The following HHAT variants were observed in gnomAD, a reference collection of about 807,000 sequenced individuals.
The protein encoded by HHAT is protein-cysteine N-palmitoyltransferase HHAT.
Under a neutral mutation model 70.8 loss-of-function variants are expected in HHAT, and 47 were observed. The observed-to-expected ratio is 0.66, with a 90% CI of 0.53 to 0.85. The LOEUF is 0.85. HHAT is among the 40% of genes least tolerant of loss of function. The pLI is 0.00. For synonymous variants in HHAT, 228 were observed against 247.6 expected, an observed-to-expected ratio of 0.92 and a Z score of 0.74; for missense variants, 609 against 604.8, an observed-to-expected ratio of 1.01 and a Z score of -0.07.
chr1:210,419,482 G>A (rs143446531), intron 7 of HHAT, among the ~76,000 whole-genome samples: 2,212 of 152,164 alleles, frequency 0.015, 99 homozygotes, highest in Admixed American at 0.094. Context: ...GAGGACTCCC[G>A]CAGTGGCTGA....
intron 7 of HHAT, among the ~76,000 whole-genome samples, chr1:210,442,169 A>C (rs1234081543): frequency 6.9e-6 from 1 of 145,868 alleles, no homozygotes; most frequent in Non-Finnish European, 1.5e-5. Context: ...GTCCCTACAA[A>C]GGACATGAAC....
At chr1:210,513,289 C>A in intron 9 of HHAT, 101 bp downstream of exon 9, 1 of 652,686 alleles carries the variant, frequency 1.5e-6, no homozygotes. Flanking sequence ...AATAATGGCA[C>A]TTATATATAT....
chr1:210,352,104 T>A (rs1299742596), intron 2 of HHAT, among the ~76,000 whole-genome samples: 1 of 152,182 alleles, frequency 6.6e-6, no homozygotes, highest in Non-Finnish European at 1.5e-5. Context: ...TTTACAACTC[T>A]ACTTCTTGTG....
chr1:210,418,053 C>T, intron 6 of HHAT, 101 bp from the exon 7 acceptor site: 1 of 1,104,118 alleles, frequency 9.1e-7, no homozygotes, highest in Admixed American at 1.8e-5. Flanking sequence ...TGTCAGCTGG[C>T]ATAGCAATAA....
intron 9 of HHAT, among the ~76,000 whole-genome samples, chr1:210,528,342 G>A (rs2095274799): frequency 6.6e-6 from 1 of 152,172 alleles, no homozygotes; most frequent in Non-Finnish European, 1.5e-5. Context: ...AGAGAAAGAA[G>A]GTTCTTGTGT....
intron 10 of HHAT, among the ~76,000 whole-genome samples, chr1:210,617,597 C>T (rs991179622): frequency 6.6e-6 from 1 of 152,198 alleles, no homozygotes; most frequent in African/African-American, 2.4e-5. Flanking sequence ...TAGACAGAGC[C>T]AGTTGTTTCC....
intron 4 of HHAT, among the ~76,000 whole-genome samples, chr1:210,388,415 C>T (rs537111340): frequency 6.6e-6 from 1 of 152,264 alleles, no homozygotes; most frequent in South Asian, 2.1e-4. Flanking sequence ...ATAGGATGTC[C>T]TGTGGTTAGA....
At chr1:210,636,163 A>G (rs1480257511) in intron 11 of HHAT, among the ~76,000 whole-genome samples, 4 of 152,124 alleles carry the variant, frequency 2.6e-5, no homozygotes, top group South Asian at 2.1e-4. Flanking sequence ...GCTGCCCATT[A>G]TCTTGCTTAA....
intron 3 of HHAT, among the ~76,000 whole-genome samples, chr1:210,374,944 C>G (rs2090063845): frequency 6.6e-6 from 1 of 151,864 alleles, no homozygotes; most frequent in Non-Finnish European, 1.5e-5. Context: ...CTCCCTGCCA[C>G]CCCCCAGCAG....
intron 4 of HHAT, among the ~76,000 whole-genome samples, chr1:210,396,127 C>T (rs2148180467): frequency 6.6e-6 from 1 of 152,224 alleles, no homozygotes; most frequent in South Asian, 2.1e-4. Context: ...TTCAGTCTGG[C>T]TTTGTCTCCA....
chr1:210,340,675 T>G (rs762730387), intron 1 of HHAT, among the ~76,000 whole-genome samples: 20 of 152,242 alleles, frequency 1.3e-4, no homozygotes, highest in Non-Finnish European at 2.5e-4. Flanking sequence ...AGTTAGATAT[T>G]TCATGTGTAT....
At chr1:210,355,250 T>TA (rs1558339848) in intron 2 of HHAT, among the ~76,000 whole-genome samples, 1 of 152,220 alleles carries the variant, frequency 6.6e-6, no homozygotes, top group Non-Finnish European at 1.5e-5. Flanking sequence ...CATCCACAGA[T>TA]AATGATAGTA....
rs977943014 is a variant in HHAT at position 210,540,331 on chromosome 1, T to C, written c.1043+27143T>C. ...TTGCAGTTTAATATAGTGACAACAATGTAGCAAATATGAACATTCATACAA... is the reference window on the plus strand; with the variant it reads ...TTGCAGTTTAATATAGTGACAACAACGTAGCAAATATGAACATTCATACAA... On this transcript the variant is annotated intron_variant, in intron 9 of 11. Transcript: ENST00000261458. 9.2e-5 allele frequency among the ~76,000 whole-genome samples: 14 copies of C among 152,302 alleles called. No individual in the cohort carries two copies. In the South Asian group the frequency reaches 2.3e-3, roughly 25 times the overall value.
At chr1:210,410,654 G>A (rs1322800136) in intron 6 of HHAT, among the ~76,000 whole-genome samples, 1 of 150,990 alleles carries the variant, frequency 6.6e-6, no homozygotes, top group Admixed American at 6.6e-5. Context: ...AGCCTCCCGA[G>A]TAGCTGGGAT....
intron 3 of HHAT, among the ~76,000 whole-genome samples, chr1:210,381,831 G>C (rs2090661763): frequency 6.6e-6 from 1 of 152,194 alleles, no homozygotes; most frequent in African/African-American, 2.4e-5. Context: ...CTGGTGGACT[G>C]AGCTAACTGA....
chr1:210,353,232 G>A (rs762592902), intron 2 of HHAT, among the ~76,000 whole-genome samples: 4 of 151,960 alleles, frequency 2.6e-5, no homozygotes, highest in African/African-American at 9.7e-5. Flanking sequence ...CACCACGCCC[G>A]GCCCCTCTCT....
At chr1:210,377,056 T>G (rs559585153) in intron 3 of HHAT, among the ~76,000 whole-genome samples, 1 of 152,352 alleles carries the variant, frequency 6.6e-6, no homozygotes, top group East Asian at 1.9e-4. Context: ...ACTTCCTAAG[T>G]ATAAAGTAAG....
intron 2 of HHAT, among the ~76,000 whole-genome samples, chr1:210,359,837 A>G (rs2088062156): frequency 6.6e-6 from 1 of 152,108 alleles, no homozygotes; most frequent in Non-Finnish European, 1.5e-5. Context: ...ACTGTACTCC[A>G]ACCTAGGCGA....
At chr1:210,417,350 A>G (rs1239218591) in intron 6 of HHAT, among the ~76,000 whole-genome samples, 1 of 152,168 alleles carries the variant, frequency 6.6e-6, no homozygotes, top group Non-Finnish European at 1.5e-5. Flanking sequence ...CTCCTGCCTC[A>G]GCCTCCTGAG....
Sources: gnomAD v4.1 joint callset for allele counts (sites outside exome capture counted in the v4.1 genomes callset) on GRCh38, gnomAD v4.1.1 for gene constraint, MANE v1.5 for transcripts, NCBI Gene and HGNC (gene_info 2026-07-23, HGNC 2026-07-21) for gene names.